Variants in IL12RB2 observed in about 807,000 individuals in gnomAD.
IL12RB2 encodes the protein interleukin-12 receptor subunit beta-2.
Under a neutral mutation model 89.4 loss-of-function variants are expected in IL12RB2, and 82 were observed. The ratio of observed to expected loss-of-function variants is 0.92; its 90% CI spans 0.77 to 1.10. The LOEUF is 1.10. Among genes scored for constraint, IL12RB2 ranks in the 50% least tolerant of loss-of-function variants. The pLI, the probability that IL12RB2 is intolerant of heterozygous loss-of-function variation, is 0.00. For synonymous variants in IL12RB2, 368 were observed against 370.1 expected, an observed-to-expected ratio of 0.99 and a Z score of 0.07; for missense variants, 963 against 1,031.9, an observed-to-expected ratio of 0.93 and a Z score of 0.92.
chr1:67,313,429 G>A (rs756293102), intron 1 of IL12RB2, among the ~76,000 whole-genome samples: 10 of 152,120 alleles, frequency 6.6e-5, no homozygotes, highest in Non-Finnish European at 1.0e-4. Context: ...TGCAGCATTA[G>A]TATTAGTATA....
chr1:67,369,913 T>A (rs1663105574), intron 11 of IL12RB2, among the ~76,000 whole-genome samples: 1 of 151,654 alleles, frequency 6.6e-6, no homozygotes, highest in Admixed American at 6.6e-5. Context: ...TCCCAGCTAC[T>A]TGGGAGGCTA....
intron 16 of IL12RB2, among the ~76,000 whole-genome samples, chr1:67,391,135 C>T (rs1332805052): frequency 6.6e-6 from 1 of 152,118 alleles, no homozygotes; most frequent in Non-Finnish European, 1.5e-5. Flanking sequence ...GGGCAACTTG[C>T]CCAACTATCT....
intron 10 of IL12RB2, among the ~76,000 whole-genome samples, chr1:67,365,328 G>T (rs1662554308): frequency 1.3e-5 from 2 of 151,776 alleles, no homozygotes; most frequent in Admixed American, 1.3e-4. Flanking sequence ...GGAATAAAGA[G>T]ATAAATTAAT....
At chr1:67,364,940 T>C (rs1662514603) in intron 10 of IL12RB2, among the ~76,000 whole-genome samples, 2 of 152,056 alleles carry the variant, frequency 1.3e-5, no homozygotes, top group Non-Finnish European at 2.9e-5. Flanking sequence ...TTTAAAAGAA[T>C]AGATATCATG....
At chr1:67,369,048 A>T (rs1396845544) in intron 11 of IL12RB2, among the ~76,000 whole-genome samples, 1 of 152,224 alleles carries the variant, frequency 6.6e-6, no homozygotes, top group Non-Finnish European at 1.5e-5. Flanking sequence ...AGGTGACAAG[A>T]TTTATACAAA....
In IL12RB2 at chr1:67,355,240, C is replaced by T. The variant is rs77661367; in HGVS notation, c.1258+4151C>T. On this transcript the variant is annotated intron_variant, in intron 10 of 16. Transcript: ENST00000674203. ...ACCAGCCTGGCCAATACAGTGAAAC[C>T]CTGTCTCTACCAAAAAATACAAAAT... Among the ~76,000 whole-genome samples the T allele has an allele frequency of 2.0e-5, 3 of 151,886 alleles. No individual in the cohort carries two copies. In the South Asian group the frequency reaches 6.2e-4, roughly 32 times the overall value.
intron 8 of IL12RB2, among the ~76,000 whole-genome samples, chr1:67,333,041 T>C (rs376021467): frequency 3.7e-4 from 56 of 152,338 alleles, no homozygotes; most frequent in African/African-American, 1.3e-3. Flanking sequence ...TGGATGATTA[T>C]GAATTGAACC....
At position 67,390,455 on chromosome 1, in the gene IL12RB2, C is replaced by CTTTT. The variant is rs67532605; in HGVS notation, c.2046+344_2046+347dup. Among the ~76,000 whole-genome samples, 201 of 107,486 alleles carry CTTTT rather than the reference C, an allele frequency of 1.9e-3. 4 individuals carry two copies. The highest frequency in any genetic ancestry group is 6.0e-3 in the East Asian group (21 of 3,516). 70.5% of individuals were successfully genotyped at this position (107,486 alleles called of 152,430 possible). ...TTTCAAAAGAAGAAAGCAAACTTTC[C>CTTTT]TTTTTTTTTTTTTTTTTTTTGCCAT... On this transcript the variant is annotated intron_variant, in intron 16 of 16. Transcript: ENST00000674203.
intron 11 of IL12RB2, 127 bp from the exon 12 acceptor site, chr1:67,372,309 A>C (rs931921330): frequency 1.1e-5 from 8 of 740,882 alleles, no homozygotes; most frequent in African/African-American, 1.7e-5. Flanking sequence ...ACTGTGCTTG[A>C]ACCATCTTTA....
intron 13 of IL12RB2, among the ~76,000 whole-genome samples, chr1:67,377,285 C>T (rs75945554): frequency 0.012 from 1,901 of 152,278 alleles, 53 homozygotes; most frequent in African/African-American, 0.044. Flanking sequence ...ATAAATTCAG[C>T]ATGCAAGACA....
intron 1 of IL12RB2, among the ~76,000 whole-genome samples, chr1:67,312,650 A>G (rs1210714681): frequency 6.6e-6 from 1 of 151,586 alleles, no homozygotes; most frequent in East Asian, 1.9e-4. Context: ...AAAAGAAGAG[A>G]GAAAAGAATA....
intron 13 of IL12RB2, among the ~76,000 whole-genome samples, chr1:67,378,416 G>C (rs973389266): frequency 1.5e-5 from 2 of 136,652 alleles, no homozygotes; most frequent in South Asian, 5.2e-4. Context: ...TAAGGAACTG[G>C]TAATCTAGGT....
chr1:67,325,829 G>A (rs1657208684), intron 4 of IL12RB2, among the ~76,000 whole-genome samples: 2 of 152,194 alleles, frequency 1.3e-5, no homozygotes, highest in African/African-American at 4.8e-5. Context: ...ATCTACACGT[G>A]GGTCTGGGTA....
chr1:67,364,167 G>A lies in IL12RB2; in HGVS notation c.1259-3658G>A, dbSNP rs534681468. On this transcript the variant is annotated intron_variant, in intron 10 of 16. Transcript: ENST00000674203. The stretch of plus-strand genomic sequence containing the variant: ...GCACTTTGGAAGGCTGAGGCAGGCG[G>A]ATCACTTGAGGTCAGGAGTTCAAGA... Among the ~76,000 whole-genome samples, 3 of 152,346 alleles carry A rather than the reference G, an allele frequency of 2.0e-5. No homozygotes were observed. The East Asian group carries it at 5.8e-4, about 29-fold the overall frequency.
chr1:67,373,944 G>A (rs756308658), intron 13 of IL12RB2, among the ~76,000 whole-genome samples: 8 of 152,028 alleles, frequency 5.3e-5, no homozygotes, highest in Non-Finnish European at 8.8e-5. Flanking sequence ...TTTAAAAGCT[G>A]GTTAATTTTT....
chr1:67,372,674 C>T lies in IL12RB2; in HGVS notation c.1608C>T (p.Ser536=). The T allele has an allele frequency of 1.2e-6, 2 of 1,612,156 alleles. No homozygotes were observed. The highest frequency in any genetic ancestry group is 2.2e-5 in the East Asian group (1 of 44,870). Reference sequence around the variant, plus strand: ...ATGCCATCACAGAGGAAAAGGGGAGCATTTTAATTTCATGGAACAGCATTC... The same window carrying T: ...ATGCCATCACAGAGGAAAAGGGGAGTATTTTAATTTCATGGAACAGCATTC... ...HINAITEEKG[S]ILISWNSIPV... The change falls in exon 13 of 17, where the codon AGC becomes AGT. Residue 536 remains serine (S), a synonymous_variant. Transcript: ENST00000674203.
Position 67,329,574 on chromosome 1 carries a change from T to C in IL12RB2, c.665-13T>C, listed in dbSNP as rs1288851789. 6.5e-7 allele frequency: 1 copy of C among 1,545,344 alleles called. No homozygotes were observed. Among genetic ancestry groups the C allele is most frequent in the East Asian group, 2.2e-5 (1 of 44,540 alleles). On this transcript the variant is annotated splice_polypyrimidine_tract_variant and intron_variant, in intron 6 of 16. Transcript: ENST00000674203. ...ATCCTGAACCACACTTTTTTGTTTG[T>C]CCTGGTTACTAGTGAGGCCTCTTCC...
Position 67,398,600 on chromosome 1 carries a change from C to G in IL12RB2, c.*2511C>G, listed in dbSNP as rs1279511744. ...GCCTCCTCAGCATGATTTCCATATA[C>G]TTACTTTCTCTGTTGGACTGCAGAC... On this transcript the variant is annotated 3_prime_UTR_variant, in exon 17 of 17. Coordinates refer to ENST00000674203, the MANE Select transcript of IL12RB2 (RefSeq NM_001374259.2). 1.3e-5 allele frequency among the ~76,000 whole-genome samples: 2 copies of G among 151,584 alleles called. No individual in the cohort carries two copies. Among genetic ancestry groups the G allele is most frequent in the Non-Finnish European group, 2.9e-5 (2 of 67,940 alleles).
intron 9 of IL12RB2, among the ~76,000 whole-genome samples, chr1:67,345,514 G>A (rs550081295): frequency 6.6e-6 from 1 of 152,130 alleles, no homozygotes; most frequent in Non-Finnish European, 1.5e-5. Context: ...GTATTATTTG[G>A]GACCTGATTT....
Sources: gnomAD v4.1 joint callset for allele counts (sites outside exome capture counted in the v4.1 genomes callset) on GRCh38, gnomAD v4.1.1 for gene constraint, MANE v1.5 for transcripts, NCBI Gene and HGNC (gene_info 2026-07-23, HGNC 2026-07-21) for gene names.